ZNF718: variants seen among roughly 807,000 people sequenced by gnomAD.
ZNF718 encodes zinc finger protein 718.
ZNF718 carries 3 observed loss-of-function variants against 2.6 expected under a neutral mutation model. The observed-to-expected ratio is 1.16, with a 90% CI of 0.53 to 3.01. The LOEUF is 3.01. ZNF718 is among the 30% of genes most tolerant of loss of function. ZNF718 has a pLI of 0.03. For missense variants in ZNF718, 468 were observed against 230.0 expected (o/e 2.03, Z -6.69); for synonymous variants, 135 against 77.9 (o/e 1.73, Z -3.86).
At chr4:167,873 A>T (rs1390304834), downstream of ZNF718, among the ~76,000 whole-genome samples, 1 of 152,092 alleles carries the variant, frequency 6.6e-6, no homozygotes, top group Admixed American at 6.5e-5. Context: ...CCTGGCCAGA[A>T]CTTCCAATAC....
chr4:197,003 G>T (rs1355015960), intron 3 of ZNF718, among the ~76,000 whole-genome samples: 1 of 148,916 alleles, frequency 6.7e-6, no homozygotes, highest in African/African-American at 2.5e-5. Context: ...CAAGATGGGG[G>T]CAGCCCATCC....
At chr4:188,492 G>A (rs1717615617) in intron 3 of ZNF718, among the ~76,000 whole-genome samples, 1 of 152,164 alleles carries the variant, frequency 6.6e-6, no homozygotes, top group Non-Finnish European at 1.5e-5. Context: ...AGTGGAAGTG[G>A]GGCCCACAGA....
chr4:150,264 T>A (rs1716257136), intron 3 of ZNF718: 1 of 152,294 alleles, frequency 6.6e-6, no homozygotes, highest in Non-Finnish European at 1.5e-5. Context: ...ACATTTGTGT[T>A]GTTTCCAGGA....
chr4:157,885 T>C (rs530125677), intron 3 of ZNF718, among the ~76,000 whole-genome samples: 2 of 152,334 alleles, frequency 1.3e-5, no homozygotes, highest in African/African-American at 4.8e-5. Flanking sequence ...TGCTCCCTTA[T>C]GAATATTGTC....
At chr4:199,183 C>T (rs1356105593) in intron 3 of ZNF718, among the ~76,000 whole-genome samples, 1 of 152,206 alleles carries the variant, frequency 6.6e-6, no homozygotes, top group Admixed American at 6.5e-5. Flanking sequence ...TTTTCCTCCT[C>T]TGTAAAAGGG....
intron 3 of ZNF718, among the ~76,000 whole-genome samples, chr4:136,717 T>C (rs764821544): frequency 4.3e-4 from 65 of 152,238 alleles, no homozygotes; most frequent in Non-Finnish European, 9.4e-4. Flanking sequence ...TAGTATCTTA[T>C]TTCACTTAAA....
At chr4:156,074 C>A (rs1716555628) in intron 3 of ZNF718, among the ~76,000 whole-genome samples, 1 of 152,094 alleles carries the variant, frequency 6.6e-6, no homozygotes, top group Non-Finnish European at 1.5e-5. Context: ...TTGTACCTCC[C>A]ACAATGATTT....
intron 3 of ZNF718, among the ~76,000 whole-genome samples, chr4:175,860 T>TC (rs1717335009): frequency 6.9e-6 from 1 of 144,258 alleles, no homozygotes; most frequent in Non-Finnish European, 1.5e-5. Context: ...GTCTTTTTTT[T>TC]TTTTTTTTTT....
chr4:124,950 G>A, intron 1 of ZNF718: 1 of 388,916 alleles, frequency 2.6e-6, no homozygotes, highest in South Asian at 2.8e-5. Flanking sequence ...CGGCCTGCGC[G>A]GTGCCGGCGT....
At chr4:183,853 G>A (rs1427117989) in intron 3 of ZNF718, among the ~76,000 whole-genome samples, 1 of 151,384 alleles carries the variant, frequency 6.6e-6, no homozygotes, top group African/African-American at 2.4e-5. Flanking sequence ...TTTTTTCATT[G>A]TTTTTGTATC....
intron 3 of ZNF718, among the ~76,000 whole-genome samples, chr4:152,068 C>T (rs1716348732): frequency 1.4e-5 from 2 of 146,304 alleles, no homozygotes; most frequent in African/African-American, 5.0e-5. Flanking sequence ...TATGCATACA[C>T]ATAAACATCT....
At chr4:176,458 A>AGGTGGG (rs1553819101) in intron 3 of ZNF718, among the ~76,000 whole-genome samples, 2 of 152,138 alleles carry the variant, frequency 1.3e-5, no homozygotes, top group Admixed American at 6.5e-5. Context: ...GCTACCATCA[A>AGGTGGG]TTCCAGAACT....
At chr4:189,990 C>T (rs1717660160) in intron 3 of ZNF718, among the ~76,000 whole-genome samples, 3 of 152,070 alleles carry the variant, frequency 2.0e-5, no homozygotes, top group African/African-American at 7.2e-5. Flanking sequence ...TTACATATTG[C>T]TAAATTTAGT....
chr4:158,848 T>C, intron 3 of ZNF718, among the ~76,000 whole-genome samples: 1 of 151,558 alleles, frequency 6.6e-6, no homozygotes, highest in Non-Finnish European at 1.5e-5. Context: ...TATGTTTTGT[T>C]TTCTTGCATT....
intron 3 of ZNF718, among the ~76,000 whole-genome samples, chr4:135,533 C>T (rs1715522820): frequency 7.2e-6 from 1 of 138,188 alleles, no homozygotes; most frequent in Admixed American, 7.9e-5. Context: ...AATCAGATGT[C>T]CCTTTATCTC....
At chr4:201,389 G>T (rs1469665840) in intron 4 of ZNF718, 1 of 152,286 alleles carries the variant, frequency 6.6e-6, no homozygotes, top group Non-Finnish European at 1.5e-5. Flanking sequence ...TTGGTGGGGT[G>T]GTTAGGTAGG....
chr4:191,223 A>G (rs1553821167), intron 3 of ZNF718, among the ~76,000 whole-genome samples: 2 of 136,152 alleles, frequency 1.5e-5, no homozygotes, highest in East Asian at 2.2e-4. Flanking sequence ...ATCTCGGCTC[A>G]CTGCAACCTC....
At chr4:150,499 C>G (rs7667654) in intron 3 of ZNF718, among the ~76,000 whole-genome samples, 117,965 of 151,958 alleles carry the variant, frequency 0.78, 46,127 homozygotes, top group East Asian at 0.96. Flanking sequence ...GTAAGATCAT[C>G]TGGTACTTGT....
At chr4:199,396 C>A (rs149186002) in intron 3 of ZNF718, among the ~76,000 whole-genome samples, 1 of 152,128 alleles carries the variant, frequency 6.6e-6, no homozygotes, top group Non-Finnish European at 1.5e-5. Flanking sequence ...GCATCCTAAC[C>A]CAGAGAGATG....
Sources: gnomAD v4.1 joint callset for allele counts (sites outside exome capture counted in the v4.1 genomes callset) on GRCh38, gnomAD v4.1.1 for gene constraint, MANE v1.5 for transcripts, NCBI Gene and HGNC (gene_info 2026-07-23, HGNC 2026-07-21) for gene names.